PLD5: variants seen among roughly 807,000 people sequenced by gnomAD.
PLD5 encodes the protein phospholipase D family member 5.
Under a neutral mutation model 61.1 loss-of-function variants are expected in PLD5, and 36 were observed. The ratio of observed to expected loss-of-function variants is 0.59; its 90% CI spans 0.45 to 0.78. The LOEUF (loss-of-function observed/expected upper bound fraction) is 0.78, where lower values mean the gene tolerates loss of function less well. PLD5 is among the 30% of genes least tolerant of loss of function. The pLI is 0.00. For synonymous variants in PLD5, 243 were observed against 242.8 expected, an observed-to-expected ratio of 1.00 and a Z score of -0.01; for missense variants, 515 against 644.4, an observed-to-expected ratio of 0.80 and a Z score of 2.17.
intron 1 of PLD5, among the ~76,000 whole-genome samples, chr1:242,453,261 C>A (rs531035157): frequency 5.3e-5 from 8 of 152,160 alleles, no homozygotes; most frequent in Non-Finnish European, 1.2e-4. Context: ...GGAAGCAGGT[C>A]CTCCAGGCAT....
chr1:242,205,088 G>C lies in PLD5; in HGVS notation c.735+14900C>G, dbSNP rs142661554. On this transcript the variant is annotated intron_variant, in intron 5 of 9. Transcript: ENST00000536534. ...AAGCTGTGACCGGGATAGAGATTTT[G>C]AGACATGTCATATAAGCAAGTCTCA... Among the ~76,000 whole-genome samples, 332 of 152,264 alleles carry C rather than the reference G, an allele frequency of 2.2e-3. 1 individual carries two copies. Among genetic ancestry groups the C allele is most frequent in the African/African-American group, 7.6e-3 (314 of 41,552 alleles).
intron 9 of PLD5, among the ~76,000 whole-genome samples, chr1:242,097,546 T>G (rs1243627693): frequency 1.3e-5 from 2 of 152,244 alleles, no homozygotes; most frequent in African/African-American, 2.4e-5. Flanking sequence ...CATAAACGTC[T>G]TCTTTTGAGA....
At chr1:242,481,332 G>A (rs113371755) in intron 1 of PLD5, among the ~76,000 whole-genome samples, 3,534 of 152,238 alleles carry the variant, frequency 0.023, 135 homozygotes, top group African/African-American at 0.081. Context: ...GTGACAGACC[G>A]CACCTGGAAA....
At chr1:242,381,354 G>T (rs148528592) in intron 1 of PLD5, among the ~76,000 whole-genome samples, 122 of 152,210 alleles carry the variant, frequency 8.0e-4, no homozygotes, top group African/African-American at 2.8e-3. Flanking sequence ...ACGATACATG[G>T]ACACAGGGAG....
At chr1:242,112,323 G>GTATATATATATATATATATA (rs1491036599) in intron 7 of PLD5, among the ~76,000 whole-genome samples, 2 of 80,568 alleles carry the variant, frequency 2.5e-5, no homozygotes, top group African/African-American at 1.4e-4. Flanking sequence ...GTGTGTGTGT[G>GTATATATATATATATATATA]TATGTATGTA....
chr1:242,176,394 T>A (rs2148890510), intron 5 of PLD5, among the ~76,000 whole-genome samples: 1 of 152,284 alleles, frequency 6.6e-6, no homozygotes. Flanking sequence ...TGCAGAAAAC[T>A]GACGCTGTAC....
rs554912397 is a variant in PLD5, at chr1:242,355,761, T to C, written c.190-7519A>G. Among the ~76,000 whole-genome samples the C allele has an allele frequency of 1.8e-4, 27 of 152,292 alleles. No homozygotes were observed. In the South Asian group the frequency reaches 4.8e-3, roughly 27 times the overall value. On this transcript the variant is annotated intron_variant, in intron 1 of 9. Transcript: ENST00000536534. ...ACAGACTCACCCCTCAGAACTTCTC[T>C]TGCTGCATTCCTAAATTTTGGTATG...
chr1:242,408,128 T>C (rs184470693), intron 1 of PLD5, among the ~76,000 whole-genome samples: 2 of 152,320 alleles, frequency 1.3e-5, no homozygotes, highest in Admixed American at 1.3e-4. Flanking sequence ...TTTAAAAGCA[T>C]ACATTGTGTG....
intron 5 of PLD5, among the ~76,000 whole-genome samples, chr1:242,172,870 T>C (rs1198825140): frequency 1.3e-5 from 2 of 152,032 alleles, no homozygotes; most frequent in African/African-American, 4.8e-5. Flanking sequence ...AAGTTCTGAA[T>C]TGAGGCACTA....
chr1:242,113,084 C>CTTTTTTTTTTTTTTTTTTTTTTTTTT (rs71570931), intron 7 of PLD5, among the ~76,000 whole-genome samples: 2 of 110,692 alleles, frequency 1.8e-5, no homozygotes, highest in African/African-American at 3.5e-5. Flanking sequence ...CTCTCTCTCT[C>CTTTTTTTTTTTTTTTTTTTTTTTTTT]TTTTTTTTTT....
intron 9 of PLD5, among the ~76,000 whole-genome samples, chr1:242,095,126 C>T (rs768375274): frequency 4.6e-5 from 7 of 151,504 alleles, no homozygotes; most frequent in South Asian, 4.2e-4. Context: ...TTAGTAGAGA[C>T]GGGGTTTCAC....
intron 3 of PLD5, among the ~76,000 whole-genome samples, chr1:242,275,576 G>A (rs924086160): frequency 2.0e-5 from 3 of 152,110 alleles, no homozygotes; most frequent in African/African-American, 4.8e-5. Flanking sequence ...ATGTGTCAGC[G>A]ACCTGAAAGT....
chr1:242,175,523 CT>C, intron 5 of PLD5, among the ~76,000 whole-genome samples: 2 of 152,266 alleles, frequency 1.3e-5, no homozygotes, highest in Middle Eastern at 6.8e-3. Flanking sequence ...GAAGCATTCC[CT>C]TTGAAAACCA....
chr1:242,133,553 G>C, intron 5 of PLD5, among the ~76,000 whole-genome samples: 1 of 152,096 alleles, frequency 6.6e-6, no homozygotes, highest in Non-Finnish European at 1.5e-5. Flanking sequence ...ATGACAAAAG[G>C]GGAAGTGACT....
In PLD5 at chr1:242,497,644, C is replaced by T. The variant is rs116132801; in HGVS notation, c.189+26444G>A. ...CATGAAAAAGAGAGCTTCATCCTTCCCTCACACTGTTGCTGCAGAAATTAA... is the reference window on the plus strand; with the variant it reads ...CATGAAAAAGAGAGCTTCATCCTTCTCTCACACTGTTGCTGCAGAAATTAA... On this transcript the variant is annotated intron_variant, in intron 1 of 9. Transcript: ENST00000536534. 5.4e-3 allele frequency among the ~76,000 whole-genome samples: 824 copies of T among 152,332 alleles called. 3 individuals carry two copies. Among genetic ancestry groups the T allele is most frequent in the Middle Eastern group, 0.01 (3 of 294 alleles).
At chr1:242,267,953 A>G (rs955398644) in intron 3 of PLD5, among the ~76,000 whole-genome samples, 1 of 151,650 alleles carries the variant, frequency 6.6e-6, no homozygotes, top group African/African-American at 2.4e-5. Flanking sequence ...AGGCAACCAG[A>G]GAGACAGAGA....
chr1:242,462,206 T>C (rs1667140638), intron 1 of PLD5, among the ~76,000 whole-genome samples: 1 of 152,156 alleles, frequency 6.6e-6, no homozygotes, highest in Admixed American at 6.5e-5. Context: ...CACAGCACTA[T>C]TCACAATAGC....
intron 4 of PLD5, among the ~76,000 whole-genome samples, chr1:242,261,628 A>G (rs1574629634): frequency 6.6e-6 from 1 of 152,226 alleles, no homozygotes; most frequent in South Asian, 2.1e-4. Context: ...ATCTAGCCTA[A>G]TAATCAATAG....
intron 1 of PLD5, among the ~76,000 whole-genome samples, chr1:242,518,710 G>A (rs564217168): frequency 6.6e-6 from 1 of 152,274 alleles, no homozygotes; most frequent in South Asian, 2.1e-4. Context: ...AAGAAAACTT[G>A]TATTCAATCA....
Sources: gnomAD v4.1 joint callset for allele counts (sites outside exome capture counted in the v4.1 genomes callset) on GRCh38, gnomAD v4.1.1 for gene constraint, MANE v1.5 for transcripts, NCBI Gene and HGNC (gene_info 2026-07-23, HGNC 2026-07-21) for gene names.